The following WFIKKN2 variants were observed in gnomAD, a reference collection of about 807,000 sequenced individuals.
WFIKKN2 encodes the protein WAP, follistatin/kazal, immunoglobulin, kunitz and netrin domain containing 2, also known as WAP, Kazal, immunoglobulin, Kunitz and NTR domain-containing protein 2.
Under a neutral mutation model 39.2 loss-of-function variants are expected in WFIKKN2, and 25 were observed. The ratio of observed to expected loss-of-function variants is 0.64; its 90% CI spans 0.47 to 0.89. The LOEUF (loss-of-function observed/expected upper bound fraction) is 0.89, where lower values mean the gene tolerates loss of function less well. Among genes scored for constraint, WFIKKN2 ranks in the 40% least tolerant of loss-of-function variants. The pLI is 0.00. For missense variants in WFIKKN2, 770 were observed against 811.7 expected (o/e 0.95, Z 0.62); for synonymous variants, 345 against 329.7 (o/e 1.05, Z -0.50).
At position 50,842,195 on chromosome 17, in the gene WFIKKN2, GAAA is replaced by G. The variant is rs1215486811; in HGVS notation, c.*1177_*1179del. On this transcript the variant is annotated 3_prime_UTR_variant, in exon 2 of 2. Coordinates refer to ENST00000311378, the MANE Select transcript of WFIKKN2 (RefSeq NM_175575.6). ...CTCCGGCCGCTAGAGAGAGGATTGG[GAAA>G]CCCCACTGTCAGCTCTGCATCTGCC... 8 of 152,236 alleles carry G rather than the reference GAAA, an allele frequency of 5.3e-5. No homozygotes were observed. The highest frequency in any genetic ancestry group is 1.9e-4 in the African/African-American group (8 of 41,412). 9.4% of individuals were successfully genotyped at this position (152,236 alleles called of 1,614,324 possible). A position where few individuals can be genotyped will look rare whatever the true frequency, so the allele number is the denominator to read the frequency against.
At chr17:50,837,508 T>C (rs1229190112) in intron 1 of WFIKKN2, among the ~76,000 whole-genome samples, 1 of 152,208 alleles carries the variant, frequency 6.6e-6, no homozygotes, top group Non-Finnish European at 1.5e-5. Flanking sequence ...CTGTGGGACC[T>C]ACACCTGCTC....
chr17:50,839,582 G>A lies in WFIKKN2; in HGVS notation c.294G>A (p.Gly98=). Residue 98 remains glycine (G), a synonymous_variant, in exon 2 of 2, where the codon GGG becomes GGA. Transcript: ENST00000311378. ...CGGCCCGCTACATGGACGTGAAAGGGAAGAAGGGCCCAGTGGGCATGCCCA... is the reference window on the plus strand; with the variant it reads ...CGGCCCGCTACATGGACGTGAAAGGAAAGAAGGGCCCAGTGGGCATGCCCA... ...CVAARYMDVK[G]KKGPVGMPKE... The A allele has an allele frequency of 6.2e-7, 1 of 1,614,170 alleles. No homozygotes were observed. Among genetic ancestry groups the A allele is most frequent in the Non-Finnish European group, 8.5e-7 (1 of 1,180,020 alleles).
In WFIKKN2 at chr17:50,836,113, A is replaced by G; in HGVS notation, c.176A>G (p.Gln59Arg). The G allele has an allele frequency of 6.2e-7, 1 of 1,613,324 alleles. No individual in the cohort carries two copies. The highest frequency in any genetic ancestry group is 8.5e-7 in the Non-Finnish European group (1 of 1,179,718). Reference protein sequence around the residue: ...DMNPNLWVDAQSTCRRECETD... With the variant: ...DMNPNLWVDARSTCRRECETD... ...AATCCCAACCTCTGGGTGGACGCAC[A>G]GAGCACCTGCAGGCGGGAGTGTGAG... Residue 59 changes from glutamine to arginine, a missense_variant, in exon 1 of 2, where the codon CAG (glutamine) becomes CGG (arginine). By Grantham distance (43) the Gln-to-Arg change is conservative (BLOSUM62 1). Transcript: ENST00000311378.
chr17:50,840,030 G>C lies in WFIKKN2; in HGVS notation c.742G>C (p.Glu248Gln). Residue 248 changes from glutamate (E) to glutamine (Q), a missense_variant, in exon 2 of 2, where the codon GAG (glutamate) becomes CAG (glutamine). Transcript: ENST00000311378. ...TGAGATCACCTGGGAGAAGCAGTTGGAGGATCGGGAGAATGTGGTCATGCG... is the reference window on the plus strand; with the variant it reads ...TGAGATCACCTGGGAGAAGCAGTTGCAGGATCGGGAGAATGTGGTCATGCG... ...RPEITWEKQLEDRENVVMRPN... is the reference protein window; with the variant it reads ...RPEITWEKQLQDRENVVMRPN... 2 of 1,614,276 alleles carry C rather than the reference G, an allele frequency of 1.2e-6. No homozygotes were observed. The highest frequency in any genetic ancestry group is 1.1e-5 in the South Asian group (1 of 91,088).
chr17:50,840,410 C>T lies in WFIKKN2; in HGVS notation c.1122C>T (p.Cys374=). 2 of 1,614,074 alleles carry T rather than the reference C, an allele frequency of 1.2e-6. No homozygotes were observed. The highest frequency in any genetic ancestry group is 2.2e-5 in the East Asian group (1 of 44,870). ...NLNHFETYEA[C]MLACMSGPLA... ...ACCACTTTGAGACCTATGAGGCCTG[C>T]ATGCTGGCCTGCATGAGCGGGCCGC... The change falls in exon 2 of 2, where the codon TGC becomes TGT. Residue 374 remains cysteine (C), a synonymous_variant. Transcript: ENST00000311378.
At chr17:50,837,224 A>G (rs1344809690) in intron 1 of WFIKKN2, among the ~76,000 whole-genome samples, 1 of 152,174 alleles carries the variant, frequency 6.6e-6, no homozygotes, top group East Asian at 1.9e-4. Flanking sequence ...CTAACAAGAA[A>G]GCTTTGATTG....
At chr17:50,837,343 TG>T (rs1360654449) in intron 1 of WFIKKN2, among the ~76,000 whole-genome samples, 17 of 152,282 alleles carry the variant, frequency 1.1e-4, no homozygotes, top group Non-Finnish European at 5.9e-5. Flanking sequence ...CTGGTGTCCC[TG>T]GGAGGAAGGA....
chr17:50,841,634 C>T lies in WFIKKN2; in HGVS notation c.*615C>T, dbSNP rs1404892392. ...GTGGTGGTCGGCTTGCCTCTGAGGC[C>T]ACCACGGCACCAGCAGAATACGTAT... On this transcript the variant is annotated 3_prime_UTR_variant, in exon 2 of 2. Transcript: ENST00000311378. 6.6e-6 allele frequency: 1 copy of T among 152,158 alleles called. No homozygotes were observed. Among genetic ancestry groups the T allele is most frequent in the African/African-American group, 2.4e-5 (1 of 41,388 alleles). The allele number at this position is 152,158 out of a possible 1,614,324, so 9.4% of individuals were successfully genotyped here. A position where few individuals can be genotyped will look rare whatever the true frequency, so the allele number is the denominator to read the frequency against.
At chr17:50,836,996 C>T (rs1432090041) in intron 1 of WFIKKN2, among the ~76,000 whole-genome samples, 2 of 152,024 alleles carry the variant, frequency 1.3e-5, no homozygotes, top group Non-Finnish European at 2.9e-5. Context: ...GAGCGATGTC[C>T]CAGTTCATCA....
chr17:50,840,708 G>C lies in WFIKKN2; in HGVS notation c.1420G>C (p.Glu474Gln), dbSNP rs780105838. 6.2e-7 allele frequency: 1 copy of C among 1,613,954 alleles called. No individual in the cohort carries two copies. ...VILGRVSELT[E>Q]EPDSGRALVT... ...CCTGGGCCGAGTCTCTGAGCTGACC[G>C]AGGAGCCTGACTCGGGCCGCGCCCT... Residue 474 changes from glutamate (E) to glutamine (Q), a missense_variant, in exon 2 of 2, where the codon GAG (glutamate) becomes CAG (glutamine). By Grantham distance (29) the Glu-to-Gln change is conservative. Transcript: ENST00000311378.
At chr17:50,837,673 C>A (rs182215353) in intron 1 of WFIKKN2, among the ~76,000 whole-genome samples, 94 of 152,338 alleles carry the variant, frequency 6.2e-4, no homozygotes, top group African/African-American at 2.1e-3. Flanking sequence ...AGAGGGCTGA[C>A]CTGGAGAGGG....
chr17:50,840,207 G>T lies in WFIKKN2; in HGVS notation c.919G>T (p.Gly307Cys). The T allele has an allele frequency of 2.5e-6, 4 of 1,613,842 alleles. No individual in the cohort carries two copies. The highest frequency in any genetic ancestry group is 3.4e-6 in the Non-Finnish European group (4 of 1,180,038). ...RADFPLSVVR[G>C]HQAAATSESS... is the part of the protein sequence containing the mutation. ...TGATTTCCCGCTGTCGGTGGTCAGG[G>T]GTCATCAGGCTGCAGCCACCTCAGA... The change falls in exon 2 of 2, where the codon GGT becomes TGT. Residue 307 changes from glycine (G) to cysteine (C), a missense_variant. Coordinates refer to ENST00000311378, the MANE Select transcript of WFIKKN2 (RefSeq NM_175575.6).
Position 50,840,132 on chromosome 17 carries a change from G to A in WFIKKN2, c.844G>A (p.Ala282Thr). The A allele has an allele frequency of 6.2e-7, 1 of 1,604,982 alleles. No individual in the cohort carries two copies. Among genetic ancestry groups the A allele is most frequent in the Non-Finnish European group, 8.5e-7 (1 of 1,175,792 alleles). The change falls in exon 2 of 2, where the codon GCT becomes ACT. Residue 282 changes from alanine to threonine, a missense_variant. Physicochemically the swap from Ala to Thr is moderately conservative, Grantham distance 58 (BLOSUM62 0). Transcript: ENST00000311378. ...CATCTATAACGCCCAGCTGCAGGAT[G>A]CTGGGATCTACACCTGCACGGCCCG... ...LVIYNAQLQD[A>T]GIYTCTARNV...
chr17:50,839,119 G>A (rs1362896582), intron 1 of WFIKKN2, among the ~76,000 whole-genome samples: 2 of 151,188 alleles, frequency 1.3e-5, no homozygotes, highest in African/African-American at 4.8e-5. Flanking sequence ...AGTCTCTGCA[G>A]TCTCATCTGT....
Position 50,839,953 on chromosome 17 carries a change from C to T in WFIKKN2, c.665C>T (p.Thr222Ile). ...LLNNPVHQSV[T>I]MGETVSFLCD... The stretch of plus-strand genomic sequence containing the variant: ...AACAACCCTGTGCACCAGTCGGTCA[C>T]CATGGGTGAGACAGTGAGCTTCCTC... Residue 222 changes from threonine to isoleucine, a missense_variant, in exon 2 of 2, where the codon ACC becomes ATC. Physicochemically the swap from Thr to Ile is moderately conservative, Grantham distance 89. Coordinates refer to ENST00000311378, the MANE Select transcript of WFIKKN2 (RefSeq NM_175575.6). The T allele has an allele frequency of 6.2e-7, 1 of 1,614,148 alleles. No homozygotes were observed. The highest frequency in any genetic ancestry group is 1.1e-5 in the South Asian group (1 of 91,084).
rs1239122351 is a variant in WFIKKN2 at position 50,841,295 on chromosome 17, C to T, written c.*276C>T. On this transcript the variant is annotated 3_prime_UTR_variant, in exon 2 of 2. Transcript: ENST00000311378. Reference sequence around the variant, plus strand: ...ACCACCAGCTTGCTCAGATATTCTCCTCCTCCCCTCACTGGCCCCACACCC... The same window carrying T: ...ACCACCAGCTTGCTCAGATATTCTCTTCCTCCCCTCACTGGCCCCACACCC... 2.8e-5 allele frequency: 9 copies of T among 324,256 alleles called. No individual in the cohort carries two copies. The highest frequency in any genetic ancestry group is 8.8e-5 in the Admixed American group (2 of 22,734). 20.1% of individuals were successfully genotyped at this position (324,256 alleles called of 1,614,324 possible).
rs752279533 is a variant in WFIKKN2 at position 50,840,946 on chromosome 17, G to T, written c.1658G>T (p.Arg553Leu). The T allele has an allele frequency of 1.9e-6, 3 of 1,588,688 alleles. No homozygotes were observed. In the East Asian group the frequency reaches 6.8e-5, roughly 36 times the overall value. ...TTTGTGGGCGCATCGAGTGCCCGCCGGGTCAGGAAGCTTCGTGAGGTCATG... is the reference window on the plus strand; with the variant it reads ...TTTGTGGGCGCATCGAGTGCCCGCCTGGTCAGGAAGCTTCGTGAGGTCATG... Reference protein sequence around the residue: ...DSFVGASSARRVRKLREVMHK... With the variant: ...DSFVGASSARLVRKLREVMHK... The change falls in exon 2 of 2, where the codon CGG (arginine) becomes CTG (leucine). Residue 553 changes from arginine to leucine, a missense_variant. By Grantham distance (102) the Arg-to-Leu change is moderately radical (BLOSUM62 -2). Coordinates refer to ENST00000311378, the MANE Select transcript of WFIKKN2 (RefSeq NM_175575.6).
At chr17:50,837,877 C>T (rs1971979700) in intron 1 of WFIKKN2, among the ~76,000 whole-genome samples, 1 of 152,200 alleles carries the variant, frequency 6.6e-6, no homozygotes, top group Non-Finnish European at 1.5e-5. Context: ...CCAGGTAGGG[C>T]TTGGGGATGG....
chr17:50,839,588 G>A lies in WFIKKN2; in HGVS notation c.300G>A (p.Lys100=). 1.9e-6 allele frequency: 3 copies of A among 1,614,190 alleles called. No individual in the cohort carries two copies. The highest frequency in any genetic ancestry group is 2.5e-6 in the Non-Finnish European group (3 of 1,180,030). The change falls in exon 2 of 2, where the codon AAG becomes AAA. Residue 100 remains lysine, a synonymous_variant. Coordinates refer to ENST00000311378, the MANE Select transcript of WFIKKN2 (RefSeq NM_175575.6). ...AARYMDVKGK[K]GPVGMPKEAT... ...GCTACATGGACGTGAAAGGGAAGAA[G>A]GGCCCAGTGGGCATGCCCAAGGAGG...
Sources: allele counts gnomAD v4.1 joint callset (sites outside exome capture counted in the v4.1 genomes callset), GRCh38; gene constraint gnomAD v4.1.1; transcripts MANE v1.5; gene names NCBI Gene and HGNC (gene_info 2026-07-23, HGNC 2026-07-21).